The following CCDC88C variants were observed in gnomAD, a reference collection of about 807,000 sequenced individuals.
CCDC88C encodes coiled-coil and HOOK domain protein 88C.
In CCDC88C, 131 loss-of-function variants were observed where a neutral mutation model predicts 198.8. The observed-to-expected ratio is 0.66, with a 90% CI of 0.57 to 0.76. The LOEUF (loss-of-function observed/expected upper bound fraction) is 0.76. Ranked by LOEUF, CCDC88C falls within the 30% of genes least tolerant of loss-of-function variation. The probability of loss-of-function intolerance (pLI) is 0.00; values close to 1 mark genes in which losing one functional copy is unlikely to be tolerated. For synonymous variants in CCDC88C, 1,166 were observed against 1,114.7 expected, an observed-to-expected ratio of 1.05 and a Z score of -0.92; for missense variants, 2,553 against 2,631.6, an observed-to-expected ratio of 0.97 and a Z score of 0.65.
chr14:91,344,247 C>T lies in CCDC88C; in HGVS notation c.341-590G>A, dbSNP rs1282176759. On this transcript the variant is annotated intron_variant, in intron 4 of 29. Transcript: ENST00000389857. ...ATAACATCAGCATCCCTTTTTAGCGCGTAAGCAAAGTACACAATGGGAGAG... is the reference window on the plus strand; with the variant it reads ...ATAACATCAGCATCCCTTTTTAGCGTGTAAGCAAAGTACACAATGGGAGAG... 2.6e-5 allele frequency among the ~76,000 whole-genome samples: 4 copies of T among 151,502 alleles called. No individual in the cohort carries two copies. The East Asian group carries it at 5.8e-4, about 22-fold the overall frequency.
chr14:91,339,471 G>A lies in CCDC88C; in HGVS notation c.625-9C>T, dbSNP rs374046666. 5.1e-5 allele frequency: 82 copies of A among 1,598,650 alleles called. No individual in the cohort carries two copies. Among genetic ancestry groups the A allele is most frequent in the Non-Finnish European group, 6.6e-5 (77 of 1,168,970 alleles). On this transcript the variant is annotated splice_polypyrimidine_tract_variant and intron_variant, in intron 7 of 29. Coordinates refer to ENST00000389857, the MANE Select transcript of CCDC88C (RefSeq NM_001080414.4). This position sits in a 1 kb window ranked among gnomAD's most constrained non-coding sequence, Gnocchi z 5.8. ...GTGAGGTCCACGATCAGCTGCAGCC[G>A]GGCAGAGAGGGGGATGGAGGAGAAC...
chr14:91,399,269 C>T (rs1210731505), intron 3 of CCDC88C, among the ~76,000 whole-genome samples: 2 of 152,146 alleles, frequency 1.3e-5, no homozygotes, highest in Admixed American at 1.3e-4. Flanking sequence ...CTGGCTTGCT[C>T]CCCACTAAGC....
Position 91,313,856 on chromosome 14 carries a change from G to T in CCDC88C, c.1960C>A (p.Leu654Met). Reference protein sequence around the residue: ...NGRLARKVTSLETATEKVEAL... With the variant: ...NGRLARKVTSMETATEKVEAL... ...TCGACTTTCTCGGTGGCTGTCTCCA[G>T]GGAGGTCACCTTCCTGGCCAGCCTC... Residue 654 changes from leucine to methionine, a missense_variant, in exon 15 of 30, where the codon CTG becomes ATG. By Grantham distance (15) the Leu-to-Met change is conservative. Around this residue, in one of 2 missense-constraint regions of CCDC88C, gnomAD observed 1,260 missense variants for 1,412.0 expected, o/e 0.89. Transcript: ENST00000389857. The surrounding 1 kb of genome is among the most constrained non-coding windows in gnomAD (Gnocchi z 5.2). The T allele has an allele frequency of 6.2e-7, 1 of 1,603,874 alleles. No homozygotes were observed. Among genetic ancestry groups the T allele is most frequent in the South Asian group, 1.1e-5 (1 of 90,566 alleles).
rs543046566 is a variant in CCDC88C, at chr14:91,366,146, T to G, written c.271-6435A>C. Reference sequence around the variant, plus strand: ...CAGCTGTGAACATGACAGACCTACTTAAAAAATACACACACACACACACAC... The same window carrying G: ...CAGCTGTGAACATGACAGACCTACTGAAAAAATACACACACACACACACAC... On this transcript the variant is annotated intron_variant, in intron 3 of 29. Coordinates refer to ENST00000389857, the MANE Select transcript of CCDC88C (RefSeq NM_001080414.4). Among the ~76,000 whole-genome samples, 15 of 125,612 alleles carry G rather than the reference T, an allele frequency of 1.2e-4. No homozygotes were observed. The South Asian group carries it at 3.9e-3, about 33-fold the overall frequency. The allele number at this position is 125,612 out of a possible 152,430, so 82.4% of individuals were successfully genotyped here.
chr14:91,324,851 G>A lies in CCDC88C; in HGVS notation c.1270C>T (p.Gln424Ter). 1 of 1,613,792 alleles carries A rather than the reference G, an allele frequency of 6.2e-7. No individual in the cohort carries two copies. Among genetic ancestry groups the A allele is most frequent in the Non-Finnish European group, 8.5e-7 (1 of 1,179,896 alleles). Residue 424 changes from glutamine to a stop codon, truncating the protein, a stop_gained, in exon 12 of 30, where the codon CAG (glutamine) becomes TAG (stop). Coordinates refer to ENST00000389857, the MANE Select transcript of CCDC88C (RefSeq NM_001080414.4). LOFTEE classifies it high-confidence loss of function. ...ENMVLEIAQK[Q>*]SMNESAHLGW... ...AGGTGGGCAGATTCGTTCATGCTCTGCTTCTGTGCAATCTCAAGGACCATG... is the reference window on the plus strand; with the variant it reads ...AGGTGGGCAGATTCGTTCATGCTCTACTTCTGTGCAATCTCAAGGACCATG...
Position 91,352,160 on chromosome 14 carries a change from G to A in CCDC88C, c.340+7482C>T, listed in dbSNP as rs1034495463. 3.3e-5 allele frequency among the ~76,000 whole-genome samples: 5 copies of A among 152,238 alleles called. No individual in the cohort carries two copies. The highest frequency in any genetic ancestry group is 9.6e-5 in the African/African-American group (4 of 41,462). ...AGCATCTCTTCCCTCCTCCGCAGACGGCGGTGGCCACAGAGAGTAGGGCTG... is the reference window on the plus strand; with the variant it reads ...AGCATCTCTTCCCTCCTCCGCAGACAGCGGTGGCCACAGAGAGTAGGGCTG... On this transcript the variant is annotated intron_variant, in intron 4 of 29. Coordinates refer to ENST00000389857, the MANE Select transcript of CCDC88C (RefSeq NM_001080414.4). This position sits in a 1 kb window ranked among gnomAD's most constrained non-coding sequence, Gnocchi z 4.2.
intron 13 of CCDC88C, 108 bp downstream of exon 13, chr14:91,321,012 T>A (rs1892332077): frequency 9.5e-7 from 1 of 1,052,036 alleles, no homozygotes; most frequent in African/African-American, 1.6e-5. Flanking sequence ...GACACCTGCA[T>A]GCTCTACCTG....
rs150078765 is a variant in CCDC88C, at chr14:91,365,059, G to A, written c.271-5348C>T. Among the ~76,000 whole-genome samples the A allele has an allele frequency of 1.4e-3, 210 of 152,274 alleles. 1 individual carries two copies. The highest frequency in any genetic ancestry group is 6.8e-3 in the Middle Eastern group (2 of 294). On this transcript the variant is annotated intron_variant, in intron 3 of 29. Coordinates refer to ENST00000389857, the MANE Select transcript of CCDC88C (RefSeq NM_001080414.4). ...GGTGGGGCCACTGCAAACAAGACCA[G>A]CGTCCAGGCCAATGCTGTGACGCTA...
intron 29 of CCDC88C, among the ~76,000 whole-genome samples, chr14:91,274,046 A>G (rs1034226950): frequency 2.0e-5 from 3 of 152,174 alleles, no homozygotes; most frequent in Admixed American, 6.5e-5. Context: ...GGATATGAGC[A>G]GGGCCTTCCT....
At chr14:91,344,720 C>G (rs1893452834) in intron 4 of CCDC88C, among the ~76,000 whole-genome samples, 1 of 151,528 alleles carries the variant, frequency 6.6e-6, no homozygotes, top group Non-Finnish European at 1.5e-5. Context: ...ACCGTGGTCT[C>G]AATCTCCTGA....
Position 91,408,786 on chromosome 14 carries a change from G to A in CCDC88C, c.162-19C>T, listed in dbSNP as rs772405763. On this transcript the variant is annotated intron_variant, in intron 2 of 29. Transcript: ENST00000389857. ...GGGATCTCTAGGGGAAGAAACACGA[G>A]AATGGAAATTGCATCTCCCAGCAGC... The A allele has an allele frequency of 9.0e-6, 14 of 1,547,854 alleles. No individual in the cohort carries two copies. The highest frequency in any genetic ancestry group is 1.7e-4 in the Middle Eastern group (1 of 5,952).
At chr14:91,276,387 G>C (rs1194062517) in intron 29 of CCDC88C, among the ~76,000 whole-genome samples, 1 of 152,266 alleles carries the variant, frequency 6.6e-6, no homozygotes, top group East Asian at 1.9e-4. Context: ...CACAGAGTAA[G>C]TGCTTGGGAA....
At chr14:91,380,847 G>A (rs942014723) in intron 3 of CCDC88C, among the ~76,000 whole-genome samples, 4 of 152,112 alleles carry the variant, frequency 2.6e-5, no homozygotes, top group African/African-American at 9.7e-5. Context: ...TGATTTGCAC[G>A]CCCCGTATCC....
chr14:91,346,976 G>A (rs1017295178), intron 4 of CCDC88C, among the ~76,000 whole-genome samples: 15 of 152,268 alleles, frequency 9.9e-5, no homozygotes, highest in East Asian at 5.8e-4. Context: ...AGTGCTTGCC[G>A]GCTCAGCCCA....
chr14:91,285,372 G>A (rs774868355), intron 25 of CCDC88C: 7 of 451,178 alleles, frequency 1.6e-5, no homozygotes, highest in Middle Eastern at 6.5e-4. Flanking sequence ...GAGACGGGAG[G>A]GGGGCACGGC....
At chr14:91,287,636 C>CTTTTTTT (rs71120129) in intron 25 of CCDC88C, among the ~76,000 whole-genome samples, 134 of 75,624 alleles carry the variant, frequency 1.8e-3, no homozygotes, top group East Asian at 2.8e-3. Context: ...TGCACCAGGT[C>CTTTTTTT]TTTTTTTTTT....
At chr14:91,304,736 A>G (rs1891485799) in intron 19 of CCDC88C, among the ~76,000 whole-genome samples, 1 of 152,228 alleles carries the variant, frequency 6.6e-6, no homozygotes, top group Admixed American at 6.5e-5. Context: ...AAATCATCAG[A>G]AAACTGAAGA....
chr14:91,407,216 T>A (rs1014794167), intron 3 of CCDC88C, among the ~76,000 whole-genome samples: 11 of 152,186 alleles, frequency 7.2e-5, no homozygotes, highest in African/African-American at 2.7e-4. Flanking sequence ...CAACAGGAAC[T>A]GGGCCCAGCA....
chr14:91,394,364 AG>A (rs1204375610), intron 3 of CCDC88C, among the ~76,000 whole-genome samples: 1 of 152,178 alleles, frequency 6.6e-6, no homozygotes, highest in African/African-American at 2.4e-5. Flanking sequence ...CTAAACAGTC[AG>A]GGTCTGGGTC....
Sources: gnomAD v4.1 joint callset for allele counts (sites outside exome capture counted in the v4.1 genomes callset) on GRCh38, gnomAD v4.1.1 for gene constraint, gnomAD v4.1.1 regional missense constraint, Gnocchi (gnomAD v3.1) non-coding constraint, MANE v1.5 for transcripts, NCBI Gene and HGNC (gene_info 2026-07-23, HGNC 2026-07-21) for gene names.